Variants in SFXN5 observed in about 807,000 individuals in gnomAD.
SFXN5 encodes sideroflexin 5.
SFXN5 carries 43 observed loss-of-function variants against 50.2 expected under a neutral mutation model. The observed-to-expected ratio is 0.86, with a 90% CI of 0.67 to 1.11. The LOEUF is 1.11. Among genes scored for constraint, SFXN5 ranks in the 50% least tolerant of loss-of-function variants. SFXN5 has a pLI of 0.00. For synonymous variants in SFXN5, 203 were observed against 185.8 expected (o/e 1.09, Z -0.75); for missense variants, 463 against 454.1 (o/e 1.02, Z -0.18).
At chr2:73,036,019 C>G (rs1416210195) in intron 3 of SFXN5, among the ~76,000 whole-genome samples, 1 of 152,220 alleles carries the variant, frequency 6.6e-6, no homozygotes, top group Non-Finnish European at 1.5e-5. Context: ...CCAGGACAGG[C>G]CTGCAGGCCT....
At chr2:72,984,525 G>A (rs1321448483) in intron 10 of SFXN5, among the ~76,000 whole-genome samples, 2 of 151,306 alleles carry the variant, frequency 1.3e-5, no homozygotes, top group Non-Finnish European at 3.0e-5. Context: ...AGGCCTGGGA[G>A]GCCTGGGCTC....
At chr2:73,058,664 G>A (rs1682451803) in intron 1 of SFXN5, 68 bp from the exon 2 acceptor site, 21 of 1,483,600 alleles carry the variant, frequency 1.4e-5, no homozygotes, top group Non-Finnish European at 2.0e-5. Context: ...AGACACTGGA[G>A]AGCCCCACCC....
At chr2:73,060,505 G>A (rs1682671847) in intron 1 of SFXN5, among the ~76,000 whole-genome samples, 1 of 152,040 alleles carries the variant, frequency 6.6e-6, no homozygotes, top group Admixed American at 6.6e-5. Context: ...CCACATTAAA[G>A]AAACTAAAGA....
At chr2:72,995,621 G>T (rs79371762) in intron 9 of SFXN5, among the ~76,000 whole-genome samples, 1,743 of 152,138 alleles carry the variant, frequency 0.011, 42 homozygotes, top group African/African-American at 0.04. Flanking sequence ...TGCTTGTAGG[G>T]ACTCGTTTTA....
rs573360913 is a variant in SFXN5 at position 72,986,346 on chromosome 2, C to T, written c.625+1912G>A. On this transcript the variant is annotated intron_variant, in intron 10 of 13. Transcript: ENST00000272433. ...TGCAGGTGCTTCAAAGCACCCTCCTCTCAGTGGAAACTGGTTTGTGGCCTC... is the reference window on the plus strand; with the variant it reads ...TGCAGGTGCTTCAAAGCACCCTCCTTTCAGTGGAAACTGGTTTGTGGCCTC... 8.5e-4 allele frequency among the ~76,000 whole-genome samples: 130 copies of T among 152,342 alleles called. 2 individuals carry two copies. The highest frequency in any genetic ancestry group is 2.9e-3 in the African/African-American group (121 of 41,578).
chr2:73,056,078 C>T (rs1682076679), intron 2 of SFXN5, among the ~76,000 whole-genome samples: 1 of 152,140 alleles, frequency 6.6e-6, no homozygotes, highest in Non-Finnish European at 1.5e-5. Flanking sequence ...GTGGAGGCTG[C>T]AATGAGCTGA....
In SFXN5 at chr2:73,000,444, C is replaced by A. The variant is rs866397176; in HGVS notation, c.455G>T (p.Arg152Leu). 2 of 1,559,036 alleles carry A rather than the reference C, an allele frequency of 1.3e-6. No homozygotes were observed. Among genetic ancestry groups the A allele is most frequent in the East Asian group, 4.7e-5 (2 of 42,198 alleles). Residue 152 changes from arginine (R) to leucine (L), a missense_variant, in exon 8 of 14, where the codon CGC (arginine) becomes CTC (leucine). Arg to Leu is a moderately radical substitution (Grantham distance 102). Transcript: ENST00000272433. Reference sequence around the variant, plus strand: ...AGTGATGCTCACCTTGGTCGCATTGCGGTTTGCATAGTTGACACAGGCATT... The same window carrying A: ...AGTGATGCTCACCTTGGTCGCATTGAGGTTTGCATAGTTGACACAGGCATT... ...SHNACVNYAN[R>L]NATKPSPASK...
At chr2:72,971,217 G>T (rs997675391) in intron 11 of SFXN5, among the ~76,000 whole-genome samples, 1 of 152,106 alleles carries the variant, frequency 6.6e-6, no homozygotes, top group East Asian at 1.9e-4. Context: ...GGATGTGAAG[G>T]CCCGGGAGGT....
chr2:73,061,649 T>C (rs1408736530), intron 1 of SFXN5, among the ~76,000 whole-genome samples: 2 of 152,192 alleles, frequency 1.3e-5, no homozygotes, highest in African/African-American at 4.8e-5. Flanking sequence ...GTAAAAATTA[T>C]ATTTTCAAAA....
At chr2:73,036,150 G>T (rs1678947969) in intron 3 of SFXN5, among the ~76,000 whole-genome samples, 1 of 152,212 alleles carries the variant, frequency 6.6e-6, no homozygotes, top group South Asian at 2.1e-4. Context: ...GGCCGCTTCA[G>T]ATGAGCAGGG....
chr2:72,971,566 C>G lies in SFXN5; in HGVS notation c.741+4G>C, dbSNP rs1168622645. 1 of 1,612,238 alleles carries G rather than the reference C, an allele frequency of 6.2e-7. No homozygotes were observed. The highest frequency in any genetic ancestry group is 1.3e-5 in the African/African-American group (1 of 74,902). On this transcript the variant is annotated splice_donor_region_variant and intron_variant, in intron 11 of 13. Transcript: ENST00000272433. The stretch of plus-strand genomic sequence containing the variant: ...TCCCCAACCCTGCGAACCCCCAGAC[C>G]CACGTGTCGGGCTGCGATCTTGGAG...
chr2:73,018,076 C>T (rs1676393525), intron 6 of SFXN5, among the ~76,000 whole-genome samples: 1 of 152,028 alleles, frequency 6.6e-6, no homozygotes, highest in African/African-American at 2.4e-5. Context: ...GGCATTGTGG[C>T]ACATGTCTGT....
At position 72,942,554 on chromosome 2, in the gene SFXN5, C is replaced by G. The variant is rs1671540634; in HGVS notation, c.*2468G>C. ...CCCAGGCATGAACCAATCTGCCCCT[C>G]AGGCCTCCCTTCCTCTGGCCTCAGC... On this transcript the variant is annotated 3_prime_UTR_variant, in exon 14 of 14. Coordinates refer to ENST00000272433, the MANE Select transcript of SFXN5 (RefSeq NM_144579.3). 6.6e-6 allele frequency: 1 copy of G among 152,388 alleles called. No homozygotes were observed. Among genetic ancestry groups the G allele is most frequent in the East Asian group, 1.9e-4 (1 of 5,198 alleles). The allele number at this position is 152,388 out of a possible 1,614,324, so 9.4% of individuals were successfully genotyped here.
At chr2:73,016,435 T>C (rs1359932991) in intron 6 of SFXN5, among the ~76,000 whole-genome samples, 1 of 152,226 alleles carries the variant, frequency 6.6e-6, no homozygotes, top group Non-Finnish European at 1.5e-5. Context: ...GCTGGGGCAG[T>C]GGCTCACACC....
intron 1 of SFXN5, among the ~76,000 whole-genome samples, chr2:73,062,592 A>T (rs1462269028): frequency 6.6e-6 from 1 of 152,140 alleles, no homozygotes; most frequent in Admixed American, 6.5e-5. Flanking sequence ...AGACTCCCAG[A>T]TAAGGCATTT....
chr2:72,972,664 T>C (rs1573998558), intron 10 of SFXN5, among the ~76,000 whole-genome samples: 14 of 150,860 alleles, frequency 9.3e-5, no homozygotes. Context: ...CGCTGCAGGA[T>C]GGAAGTGGGG....
intron 2 of SFXN5, among the ~76,000 whole-genome samples, chr2:73,045,337 C>T (rs1680178807): frequency 6.6e-6 from 1 of 152,110 alleles, no homozygotes. Flanking sequence ...GCCCAAAGCC[C>T]CCCCAGAACT....
intron 12 of SFXN5, among the ~76,000 whole-genome samples, chr2:72,963,720 T>A (rs1386304446): frequency 1.3e-5 from 2 of 152,188 alleles, no homozygotes; most frequent in African/African-American, 4.8e-5. Flanking sequence ...AGACCCAGCC[T>A]GGTGCCCCTG....
chr2:73,023,297 T>C (rs913394321), intron 3 of SFXN5, 83 bp from the exon 4 acceptor site: 35 of 1,387,514 alleles, frequency 2.5e-5, no homozygotes, highest in Middle Eastern at 1.8e-4. Flanking sequence ...CCATGTTTTC[T>C]AACCAAGGGA....
Sources: gnomAD v4.1 joint callset for allele counts (sites outside exome capture counted in the v4.1 genomes callset) on GRCh38, gnomAD v4.1.1 for gene constraint, MANE v1.5 for transcripts, NCBI Gene and HGNC (gene_info 2026-07-23, HGNC 2026-07-21) for gene names.